Variants in ERO1B observed in about 807,000 individuals in gnomAD.
ERO1B encodes the protein endoplasmic reticulum oxidoreductase 1 beta.
A neutral mutation model predicts 75.3 loss-of-function variants in ERO1B; 49 were observed. The observed-to-expected ratio is 0.65, with a 90% CI of 0.52 to 0.83. The LOEUF (loss-of-function observed/expected upper bound fraction) is 0.83. ERO1B is among the 40% of genes least tolerant of loss of function. ERO1B has a pLI of 0.00. For missense variants in ERO1B, 512 were observed against 560.1 expected (o/e 0.91, Z 0.87); for synonymous variants, 191 against 192.9 (o/e 0.99, Z 0.08).
At chr1:236,250,286 A>T (rs1412853744) in intron 4 of ERO1B, among the ~76,000 whole-genome samples, 2 of 151,984 alleles carry the variant, frequency 1.3e-5, no homozygotes, top group Non-Finnish European at 2.9e-5. Flanking sequence ...CCTGGTCAAC[A>T]TGGTGAAACC....
intron 2 of ERO1B, among the ~76,000 whole-genome samples, chr1:236,259,318 G>A (rs1418623712): frequency 6.6e-6 from 1 of 151,886 alleles, no homozygotes; most frequent in Non-Finnish European, 1.5e-5. Context: ...AAGAGAGGAG[G>A]AGAGAACAAA....
intron 12 of ERO1B, 36 bp downstream of exon 12, chr1:236,226,233 G>A (rs750079447): frequency 7.7e-5 from 124 of 1,604,470 alleles, no homozygotes; most frequent in Non-Finnish European, 1.0e-4. Context: ...TGAATACAGA[G>A]AGGAGAATTT....
intron 6 of ERO1B, among the ~76,000 whole-genome samples, chr1:236,236,971 T>A (rs1239758952): frequency 6.6e-6 from 1 of 152,160 alleles, no homozygotes; most frequent in Non-Finnish European, 1.5e-5. Flanking sequence ...TTTACTGATG[T>A]CAACATATTG....
chr1:236,235,326 G>A (rs1558509079), intron 8 of ERO1B, among the ~76,000 whole-genome samples: 1 of 152,312 alleles, frequency 6.6e-6, no homozygotes, highest in East Asian at 1.9e-4. Flanking sequence ...CCTGGGTGAT[G>A]TGTATGCACA....
At chr1:236,224,965 G>T in intron 13 of ERO1B, 105 bp downstream of exon 13, 1 of 1,076,018 alleles carries the variant, frequency 9.3e-7, no homozygotes, top group Non-Finnish European at 1.4e-6. Flanking sequence ...GACCAACTCT[G>T]ACAAGAAGCT....
intron 1 of ERO1B, among the ~76,000 whole-genome samples, chr1:236,278,230 G>A (rs886625420): frequency 7.2e-5 from 11 of 152,056 alleles, no homozygotes; most frequent in African/African-American, 2.7e-4. Flanking sequence ...TTTGGCTTGC[G>A]AACCTGTGTG....
At chr1:236,254,768 A>G (rs1041546833) in intron 2 of ERO1B, among the ~76,000 whole-genome samples, 1 of 152,014 alleles carries the variant, frequency 6.6e-6, no homozygotes, top group Non-Finnish European at 1.5e-5. Flanking sequence ...GTCCACCACC[A>G]CGCCTGGCTA....
chr1:236,268,555 C>T (rs537280605), intron 2 of ERO1B, among the ~76,000 whole-genome samples: 5 of 152,270 alleles, frequency 3.3e-5, no homozygotes, highest in East Asian at 1.9e-4. Context: ...AATTTGAGAT[C>T]GGCCTGGGCA....
intron 12 of ERO1B, 87 bp from the exon 13 acceptor site, chr1:236,225,226 T>C (rs954094828): frequency 1.6e-6 from 2 of 1,267,516 alleles, no homozygotes; most frequent in Non-Finnish European, 2.3e-6. Context: ...TCTATCCTTA[T>C]GAATATTTAA....
chr1:236,270,033 G>A (rs1344415307), intron 1 of ERO1B, 39 bp from the exon 2 acceptor site: 5 of 1,396,660 alleles, frequency 3.6e-6, no homozygotes, highest in South Asian at 2.7e-5. Context: ...AACTACTGAT[G>A]TTTCAACCTT....
intron 5 of ERO1B, among the ~76,000 whole-genome samples, chr1:236,249,112 G>A (rs888313112): frequency 2.0e-5 from 3 of 148,354 alleles, no homozygotes; most frequent in African/African-American, 5.0e-5. Flanking sequence ...TGCAACCTCC[G>A]CCTCCCAGGT....
chr1:236,240,243 A>G (rs1664666269), intron 6 of ERO1B, among the ~76,000 whole-genome samples: 2 of 152,064 alleles, frequency 1.3e-5, no homozygotes, highest in South Asian at 2.1e-4. Flanking sequence ...TTTCCTTTCC[A>G]CTGTCCTAAT....
rs58531434 is a variant in ERO1B at position 236,258,149 on chromosome 1, C to CAAAA, written c.223-4648_223-4645dup. ...AGAAAGAAAAAAAAGAAAAACAAAG[C>CAAAA]AAAAAAAAAAAAAACCCAGCCAGAT... On this transcript the variant is annotated intron_variant, in intron 2 of 15. Coordinates refer to ENST00000354619, the MANE Select transcript of ERO1B (RefSeq NM_019891.4). Among the ~76,000 whole-genome samples, 11 of 96,572 alleles carry CAAAA rather than the reference C, an allele frequency of 1.1e-4. 3 individuals are homozygous for CAAAA. Among genetic ancestry groups the CAAAA allele is most frequent in the African/African-American group, 4.3e-4 (9 of 21,018 alleles). 63.4% of individuals were successfully genotyped at this position (96,572 alleles called of 152,430 possible).
intron 15 of ERO1B, chr1:236,220,451 AT>A: frequency 6.5e-6 from 1 of 153,570 alleles, no homozygotes; most frequent in Non-Finnish European, 1.5e-5. Flanking sequence ...AAAGAAAAAA[AT>A]AGTAATGAAA....
At chr1:236,246,456 G>A (rs1664889777) in intron 5 of ERO1B, among the ~76,000 whole-genome samples, 1 of 152,090 alleles carries the variant, frequency 6.6e-6, no homozygotes, top group African/African-American at 2.4e-5. Flanking sequence ...ACAGGCATGA[G>A]CCACCATGTC....
intron 15 of ERO1B, chr1:236,220,497 ATT>A (rs2102936953): frequency 6.1e-6 from 1 of 163,386 alleles, no homozygotes; most frequent in African/African-American, 2.4e-5. Flanking sequence ...GAAGGTTTTA[ATT>A]TTCTTTTATC....
At position 236,259,820 on chromosome 1, in the gene ERO1B, A is replaced by C. The variant is rs1044588291; in HGVS notation, c.223-6315T>G. The stretch of plus-strand genomic sequence containing the variant: ...CTCCACTTTCAACATTAGATCACCT[A>C]GACAGAAAAAAAAAAATCAATGAGG... On this transcript the variant is annotated intron_variant, in intron 2 of 15. Coordinates refer to ENST00000354619, the MANE Select transcript of ERO1B (RefSeq NM_019891.4). 2.3e-5 allele frequency among the ~76,000 whole-genome samples: 3 copies of C among 131,046 alleles called. No individual in the cohort carries two copies. In the Admixed American group the frequency reaches 2.6e-4, roughly 11 times the overall value. The allele number at this position is 131,046 out of a possible 152,430, so 86.0% of individuals were successfully genotyped here.
At chr1:236,276,148 CTG>C (rs981267331) in intron 1 of ERO1B, among the ~76,000 whole-genome samples, 1 of 152,100 alleles carries the variant, frequency 6.6e-6, no homozygotes, top group African/African-American at 2.4e-5. Flanking sequence ...GGGGGGAAGA[CTG>C]TGGAAAAAGC....
chr1:236,255,395 C>G (rs1749565), intron 2 of ERO1B, among the ~76,000 whole-genome samples: 1 of 151,888 alleles, frequency 6.6e-6, no homozygotes, highest in Non-Finnish European at 1.5e-5. Flanking sequence ...AGTATGCAAC[C>G]TCTACCCCAA....
Sources: gnomAD v4.1 joint callset for allele counts (sites outside exome capture counted in the v4.1 genomes callset) on GRCh38, gnomAD v4.1.1 for gene constraint, MANE v1.5 for transcripts, NCBI Gene and HGNC (gene_info 2026-07-23, HGNC 2026-07-21) for gene names.